NXPH1: variants seen among roughly 807,000 people sequenced by gnomAD.
NXPH1 encodes the protein neurexophilin 1.
NXPH1 carries 5 observed loss-of-function variants against 23.7 expected under a neutral mutation model. That is an observed-to-expected ratio of 0.21 (90% confidence interval 0.11 to 0.44). NXPH1 has a LOEUF of 0.44. Ranked by LOEUF, NXPH1 falls within the 20% of genes least tolerant of loss-of-function variation. The pLI, the probability that NXPH1 is intolerant of heterozygous loss-of-function variation, is 0.99. For missense variants in NXPH1, 324 were observed against 321.6 expected (o/e 1.01, Z -0.06); for synonymous variants, 144 against 122.2 (o/e 1.18, Z -1.18).
intron 2 of NXPH1, among the ~76,000 whole-genome samples, chr7:8,658,243 TCA>T (rs1182286391): frequency 6.6e-6 from 1 of 152,224 alleles, no homozygotes; most frequent in Non-Finnish European, 1.5e-5. Flanking sequence ...ATACACTCTC[TCA>T]GTGCCTAAAT....
chr7:8,638,570 T>C (rs1350133360), intron 2 of NXPH1, among the ~76,000 whole-genome samples: 1 of 152,182 alleles, frequency 6.6e-6, no homozygotes, highest in Admixed American at 6.5e-5. Flanking sequence ...AAGGATTGAT[T>C]GTTGTATTTT....
At chr7:8,750,578 A>T (rs1780547070) in intron 2 of NXPH1, among the ~76,000 whole-genome samples, 1 of 152,198 alleles carries the variant, frequency 6.6e-6, no homozygotes, top group Non-Finnish European at 1.5e-5. Context: ...TTTGATTTCA[A>T]AAATGTTTGA....
In NXPH1 at chr7:8,592,310, A is replaced by G. The variant is rs183577113; in HGVS notation, c.54+156543A>G. Among the ~76,000 whole-genome samples, 3 of 152,104 alleles carry G rather than the reference A, an allele frequency of 2.0e-5. No individual in the cohort carries two copies. The East Asian group carries it at 5.8e-4, about 29-fold the overall frequency. The stretch of plus-strand genomic sequence containing the variant: ...CTGTTCAAATGTCACGCAATACATA[A>G]TATAGCAACAATTGCTTTCTGGTGG... On this transcript the variant is annotated intron_variant, in intron 2 of 2. Coordinates refer to ENST00000405863, the MANE Select transcript of NXPH1 (RefSeq NM_152745.3).
At chr7:8,459,244 GATGAA>G (rs1336352112) in intron 2 of NXPH1, among the ~76,000 whole-genome samples, 1 of 152,014 alleles carries the variant, frequency 6.6e-6, no homozygotes, top group Non-Finnish European at 1.5e-5. Flanking sequence ...CTGAATTCCA[GATGAA>G]ATGATATGAG....
At chr7:8,655,470 A>ACACACG (rs1562444361) in intron 2 of NXPH1, among the ~76,000 whole-genome samples, 2 of 134,392 alleles carry the variant, frequency 1.5e-5, no homozygotes, top group Non-Finnish European at 3.2e-5. Context: ...ACACACACAC[A>ACACACG]CACACACACA....
chr7:8,675,660 G>A (rs1284177191), intron 2 of NXPH1, among the ~76,000 whole-genome samples: 2 of 152,042 alleles, frequency 1.3e-5, no homozygotes, highest in South Asian at 2.1e-4. Flanking sequence ...GGAGCACCTC[G>A]GACAGATAGA....
At chr7:8,440,554 T>G (rs1222233963) in intron 2 of NXPH1, among the ~76,000 whole-genome samples, 1 of 152,182 alleles carries the variant, frequency 6.6e-6, no homozygotes, top group African/African-American at 2.4e-5. Context: ...GGAAATTGGT[T>G]GATTTTTTTT....
At chr7:8,741,211 T>C (rs561958556) in intron 2 of NXPH1, among the ~76,000 whole-genome samples, 1 of 152,306 alleles carries the variant, frequency 6.6e-6, no homozygotes, top group Non-Finnish European at 1.5e-5. Flanking sequence ...CTGCTACAAA[T>C]GACAGGATTT....
chr7:8,463,132 G>C (rs1816722902), intron 2 of NXPH1, among the ~76,000 whole-genome samples: 1 of 152,198 alleles, frequency 6.6e-6, no homozygotes, highest in Non-Finnish European at 1.5e-5. Flanking sequence ...TCATAGCCAA[G>C]GCAATGGAAA....
intron 2 of NXPH1, among the ~76,000 whole-genome samples, chr7:8,451,380 G>A (rs1199136413): frequency 2.0e-5 from 3 of 152,134 alleles, no homozygotes; most frequent in Admixed American, 6.5e-5. Flanking sequence ...CCTGTCAGCC[G>A]CTTCCGAAGC....
At chr7:8,552,183 T>C (rs185734201) in intron 2 of NXPH1, among the ~76,000 whole-genome samples, 7 of 150,452 alleles carry the variant, frequency 4.7e-5, no homozygotes, top group Non-Finnish European at 5.9e-5. Context: ...GTAATGTAAT[T>C]TGTAGAAATC....
At chr7:8,748,411 A>G (rs1178519164) in intron 2 of NXPH1, among the ~76,000 whole-genome samples, 3 of 152,176 alleles carry the variant, frequency 2.0e-5, no homozygotes, top group African/African-American at 4.8e-5. Context: ...TTTCCCCAAG[A>G]CCACTAATGG....
At chr7:8,716,814 C>T (rs1779885798) in intron 2 of NXPH1, among the ~76,000 whole-genome samples, 2 of 152,100 alleles carry the variant, frequency 1.3e-5, no homozygotes, top group Non-Finnish European at 2.9e-5. Context: ...CAGTCATTGC[C>T]CTGAGCCATT....
At chr7:8,650,919 A>T (rs1284090303) in intron 2 of NXPH1, among the ~76,000 whole-genome samples, 1 of 152,176 alleles carries the variant, frequency 6.6e-6, no homozygotes, top group Admixed American at 6.5e-5. Context: ...AAAATATACC[A>T]TTGAAGGTTG....
intron 2 of NXPH1, among the ~76,000 whole-genome samples, chr7:8,666,422 A>G (rs1431170919): frequency 1.3e-5 from 2 of 151,982 alleles, no homozygotes; most frequent in Non-Finnish European, 2.9e-5. Context: ...AATATGCTGC[A>G]TAAGTTCTTT....
chr7:8,679,454 T>A (rs1051836576), intron 2 of NXPH1, among the ~76,000 whole-genome samples: 10 of 152,316 alleles, frequency 6.6e-5, no homozygotes, highest in Admixed American at 2.6e-4. Flanking sequence ...GGATGTTTTT[T>A]AATTAATGTA....
chr7:8,530,710 G>A lies in NXPH1; in HGVS notation c.54+94943G>A, dbSNP rs150165310. The stretch of plus-strand genomic sequence containing the variant: ...GTGAGGTGAGAGCAGAGGGTGCCAT[G>A]CAGGCCCTTGCCCAATTGTCAGCCC... On this transcript the variant is annotated intron_variant, in intron 2 of 2. Transcript: ENST00000405863. 3.3e-4 allele frequency among the ~76,000 whole-genome samples: 50 copies of A among 152,334 alleles called. No individual in the cohort carries two copies. The East Asian group carries it at 8.3e-3, about 25-fold the overall frequency.
At chr7:8,526,149 G>C (rs1304020048) in intron 2 of NXPH1, among the ~76,000 whole-genome samples, 8 of 152,248 alleles carry the variant, frequency 5.3e-5, no homozygotes, top group Admixed American at 4.6e-4. Flanking sequence ...TCTTGCATCA[G>C]CGTGAGCTGG....
At chr7:8,653,561 A>G (rs1820523278) in intron 2 of NXPH1, among the ~76,000 whole-genome samples, 1 of 152,210 alleles carries the variant, frequency 6.6e-6, no homozygotes, top group African/African-American at 2.4e-5. Flanking sequence ...CTGGTTTCCC[A>G]TAAAGATGTT....
Sources: gnomAD v4.1 joint callset for allele counts (sites outside exome capture counted in the v4.1 genomes callset) on GRCh38, gnomAD v4.1.1 for gene constraint, MANE v1.5 for transcripts, NCBI Gene and HGNC (gene_info 2026-07-23, HGNC 2026-07-21) for gene names.